CDYL2: variants seen among roughly 807,000 people sequenced by gnomAD.
CDYL2 encodes the protein chromodomain Y-like protein 2.
CDYL2 carries 23 observed loss-of-function variants against 49.4 expected under a neutral mutation model. That is an observed-to-expected ratio of 0.47 (90% CI 0.34 to 0.66). The LOEUF is 0.66. Ranked by LOEUF, CDYL2 falls within the 30% of genes least tolerant of loss-of-function variation. The probability of loss-of-function intolerance (pLI) is 0.01; values close to 1 mark genes in which losing one functional copy is unlikely to be tolerated. For missense variants in CDYL2, 678 were observed against 656.4 expected, an observed-to-expected ratio of 1.03 and a Z score of -0.36; for synonymous variants, 360 against 268.8, an observed-to-expected ratio of 1.34 and a Z score of -3.32.
chr16:80,766,426 T>A (rs1220374268), intron 1 of CDYL2, among the ~76,000 whole-genome samples: 1 of 152,198 alleles, frequency 6.6e-6, no homozygotes, highest in African/African-American at 2.4e-5. Context: ...GCTGAAAATT[T>A]TCATAGTCAC....
Position 80,643,179 on chromosome 16 carries a change from G to A in CDYL2, c.617-9943C>T, listed in dbSNP as rs550081760. Among the ~76,000 whole-genome samples, 3 of 152,302 alleles carry A rather than the reference G, an allele frequency of 2.0e-5. No individual in the cohort carries two copies. The East Asian group carries it at 5.8e-4, about 29-fold the overall frequency. ...CAAAACAAAGGGGTTACAGGGCCCA[G>A]GCAATTCCAAAATCCAGCAGGGCAG... On this transcript the variant is annotated intron_variant, in intron 2 of 6. Coordinates refer to ENST00000570137, the MANE Select transcript of CDYL2 (RefSeq NM_152342.4).
At chr16:80,676,204 T>C (rs1337244552) in intron 2 of CDYL2, among the ~76,000 whole-genome samples, 1 of 152,190 alleles carries the variant, frequency 6.6e-6, no homozygotes, top group Non-Finnish European at 1.5e-5. Context: ...GTTAGTTCAT[T>C]AGCACACCTT....
At chr16:80,762,339 A>G (rs1344158558) in intron 1 of CDYL2, among the ~76,000 whole-genome samples, 5 of 152,232 alleles carry the variant, frequency 3.3e-5, no homozygotes, top group African/African-American at 9.6e-5. Context: ...AACGTAAGAA[A>G]GCACGACTGT....
intron 1 of CDYL2, among the ~76,000 whole-genome samples, chr16:80,715,050 G>A (rs1904749858): frequency 6.6e-6 from 1 of 152,162 alleles, no homozygotes; most frequent in Non-Finnish European, 1.5e-5. Flanking sequence ...CTAAGCTCAT[G>A]CAAGTGAGCG....
intron 1 of CDYL2, among the ~76,000 whole-genome samples, chr16:80,775,297 A>G (rs890923224): frequency 5.3e-5 from 8 of 151,890 alleles, no homozygotes; most frequent in Non-Finnish European, 1.0e-4. Context: ...ACTTGAGGAA[A>G]TGTTAAAGAT....
chr16:80,750,513 T>A (rs536095296), intron 1 of CDYL2, among the ~76,000 whole-genome samples: 1 of 151,744 alleles, frequency 6.6e-6, no homozygotes, highest in African/African-American at 2.4e-5. Context: ...CAAAGAGATC[T>A]TAAAATATTA....
At chr16:80,791,796 A>G (rs1205293644) in intron 1 of CDYL2, among the ~76,000 whole-genome samples, 1 of 152,248 alleles carries the variant, frequency 6.6e-6, no homozygotes, top group Non-Finnish European at 1.5e-5. Context: ...AAAAGCTTAT[A>G]TATCACTTAA....
intron 1 of CDYL2, among the ~76,000 whole-genome samples, chr16:80,740,531 A>C (rs1386692328): frequency 6.6e-6 from 1 of 152,252 alleles, no homozygotes; most frequent in Non-Finnish European, 1.5e-5. Flanking sequence ...AGCCAATGCA[A>C]TAAGGCAGGA....
intron 1 of CDYL2, among the ~76,000 whole-genome samples, chr16:80,747,589 G>T (rs995435108): frequency 1.3e-5 from 2 of 152,208 alleles, no homozygotes; most frequent in East Asian, 3.9e-4. Context: ...GGTGGGAATG[G>T]GGTGGCAGCT....
chr16:80,705,410 T>A (rs1904372565), intron 1 of CDYL2, among the ~76,000 whole-genome samples: 1 of 152,222 alleles, frequency 6.6e-6, no homozygotes, highest in African/African-American at 2.4e-5. Context: ...CAAGAACTCC[T>A]CCACCTGCCA....
At chr16:80,628,559 G>C (rs1238520876) in intron 3 of CDYL2, among the ~76,000 whole-genome samples, 3 of 152,204 alleles carry the variant, frequency 2.0e-5, no homozygotes, top group South Asian at 2.1e-4. Flanking sequence ...CCTTGTAAGA[G>C]ACCTTGAGCT....
At chr16:80,729,319 G>C (rs202241811) in intron 1 of CDYL2, among the ~76,000 whole-genome samples, 13 of 151,744 alleles carry the variant, frequency 8.6e-5, no homozygotes, top group African/African-American at 3.1e-4. Flanking sequence ...TGATAAAACA[G>C]ACTTTAAACC....
intron 2 of CDYL2, among the ~76,000 whole-genome samples, chr16:80,645,792 C>A (rs368065755): frequency 5.9e-5 from 9 of 151,680 alleles, no homozygotes; most frequent in Non-Finnish European, 8.8e-5. Context: ...ACACCATGGA[C>A]TACTATGCAG....
chr16:80,666,590 A>G (rs1008115117), intron 2 of CDYL2, among the ~76,000 whole-genome samples: 4 of 152,142 alleles, frequency 2.6e-5, no homozygotes, highest in Admixed American at 6.5e-5. Flanking sequence ...GACAACAATC[A>G]CCAGATGAGC....
At chr16:80,664,215 C>CT (rs1387884399) in intron 2 of CDYL2, among the ~76,000 whole-genome samples, 6 of 152,282 alleles carry the variant, frequency 3.9e-5, no homozygotes, top group African/African-American at 1.4e-4. Flanking sequence ...CCATAAACAC[C>CT]TTAACTTCCA....
chr16:80,760,050 G>A (rs9937691), intron 1 of CDYL2, among the ~76,000 whole-genome samples: 31,112 of 152,094 alleles, frequency 0.2, 4,182 homozygotes, highest in African/African-American at 0.39. Context: ...AGAAAATGGC[G>A]AAAATTTAGA....
intron 3 of CDYL2, among the ~76,000 whole-genome samples, chr16:80,626,338 C>G (rs1269525392): frequency 1.4e-5 from 2 of 140,942 alleles, no homozygotes; most frequent in Non-Finnish European, 3.1e-5. Context: ...AAAAAACTGA[C>G]TATAAAAATC....
chr16:80,716,290 T>C (rs1904796102), intron 1 of CDYL2, among the ~76,000 whole-genome samples: 1 of 152,256 alleles, frequency 6.6e-6, no homozygotes, highest in Admixed American at 6.5e-5. Context: ...ATAGGACTAC[T>C]TGATTAATGT....
rs1905660951 is a variant in CDYL2, at chr16:80,739,576, G to C, written c.25-54447C>G. On this transcript the variant is annotated intron_variant, in intron 1 of 6. Transcript: ENST00000570137. The stretch of plus-strand genomic sequence containing the variant: ...AGATTCACACAGCAGCCGGGCACCA[G>C]CAGTCCCAGGATAGCACCCAGCACA... Among the ~76,000 whole-genome samples, 2 of 152,168 alleles carry C rather than the reference G, an allele frequency of 1.3e-5. 1 individual carries two copies.
Sources: allele counts gnomAD v4.1 joint callset (sites outside exome capture counted in the v4.1 genomes callset), GRCh38; gene constraint gnomAD v4.1.1; transcripts MANE v1.5; gene names NCBI Gene and HGNC (gene_info 2026-07-23, HGNC 2026-07-21).